Variants in CACNB2 observed in about 807,000 individuals in gnomAD.
The protein encoded by CACNB2 is calcium voltage-gated channel auxiliary subunit beta 2, also known as voltage-dependent L-type calcium channel subunit beta-2.
In CACNB2, 42 loss-of-function variants were observed where a neutral mutation model predicts 73.3. That is an observed-to-expected ratio of 0.57 (90% CI 0.45 to 0.74). CACNB2 has a LOEUF of 0.74. Among genes scored for constraint, CACNB2 ranks in the 30% least tolerant of loss-of-function variants. The probability of loss-of-function intolerance (pLI) is 0.00; values close to 1 mark genes in which losing one functional copy is unlikely to be tolerated. For missense variants in CACNB2, 940 were observed against 853.0 expected, an observed-to-expected ratio of 1.10 and a Z score of -1.27; for synonymous variants, 348 against 310.3, an observed-to-expected ratio of 1.12 and a Z score of -1.28.
chr10:18,359,078 G>A (rs961071049), intron 2 of CACNB2, among the ~76,000 whole-genome samples: 13 of 151,808 alleles, frequency 8.6e-5, no homozygotes, highest in African/African-American at 2.9e-4. Flanking sequence ...CATGTTGGGG[G>A]TTTTAATAAC....
intron 2 of CACNB2, among the ~76,000 whole-genome samples, chr10:18,345,986 G>T (rs1431962313): frequency 6.6e-6 from 1 of 152,092 alleles, no homozygotes; most frequent in Non-Finnish European, 1.5e-5. Context: ...ACATTGTCAG[G>T]GGCAGCACAA....
chr10:18,435,581 C>T (rs993021720), intron 3 of CACNB2, among the ~76,000 whole-genome samples: 1 of 152,100 alleles, frequency 6.6e-6, no homozygotes, highest in African/African-American at 2.4e-5. Context: ...TCACTGCAGC[C>T]TCGACCTCCC....
chr10:18,234,738 T>G (rs1013867745), intron 2 of CACNB2, among the ~76,000 whole-genome samples: 1 of 152,210 alleles, frequency 6.6e-6, no homozygotes, highest in Non-Finnish European at 1.5e-5. Context: ...TGAATGATTG[T>G]TCCATGAGTA....
intron 3 of CACNB2, among the ~76,000 whole-genome samples, chr10:18,491,589 GA>G (rs2049427752): frequency 6.6e-6 from 1 of 152,070 alleles, no homozygotes; most frequent in South Asian, 2.1e-4. Flanking sequence ...CTGTCTGGGG[GA>G]AAAACAATCT....
chr10:18,296,930 G>A lies in CACNB2; in HGVS notation c.214-104994G>A, dbSNP rs868742849. ...CAAATTATTAACCACTAAGGTTTCC[G>A]TCATTCATCTGTAAAATGAGGATAA... On this transcript the variant is annotated intron_variant, in intron 2 of 13. Transcript: ENST00000324631. Among the ~76,000 whole-genome samples the A allele has an allele frequency of 5.3e-5, 8 of 152,328 alleles. No individual in the cohort carries two copies. In the East Asian group the frequency reaches 5.8e-4, roughly 11 times the overall value.
chr10:18,296,049 C>G (rs1385392651), intron 2 of CACNB2, among the ~76,000 whole-genome samples: 1 of 75,954 alleles, frequency 1.3e-5, no homozygotes, highest in African/African-American at 5.1e-5. Context: ...CTGTATCTGT[C>G]TTGATGAATT....
chr10:18,350,554 C>T (rs973191509), intron 2 of CACNB2, among the ~76,000 whole-genome samples: 12 of 152,128 alleles, frequency 7.9e-5, no homozygotes, highest in African/African-American at 1.7e-4. Context: ...TCAGGAGTAG[C>T]GCTTTAGGTT....
At chr10:18,269,772 C>T (rs991271894) in intron 2 of CACNB2, among the ~76,000 whole-genome samples, 2 of 152,146 alleles carry the variant, frequency 1.3e-5, no homozygotes, top group Non-Finnish European at 2.9e-5. Flanking sequence ...TCCTCCCTTC[C>T]ACTCTCCCAC....
chr10:18,228,954 C>G (rs770566459), intron 2 of CACNB2, among the ~76,000 whole-genome samples: 36 of 152,082 alleles, frequency 2.4e-4, no homozygotes, highest in Non-Finnish European at 4.7e-4. Context: ...GTGGGCCAAG[C>G]TGGTCTCGAA....
At chr10:18,335,198 T>C in intron 2 of CACNB2, among the ~76,000 whole-genome samples, 1 of 152,172 alleles carries the variant, frequency 6.6e-6, no homozygotes, top group Middle Eastern at 3.2e-3. Context: ...CTTTTTCTAT[T>C]CTCTTAACAC....
intron 2 of CACNB2, among the ~76,000 whole-genome samples, chr10:18,271,427 A>C (rs900217230): frequency 6.6e-6 from 1 of 152,242 alleles, no homozygotes; most frequent in African/African-American, 2.4e-5. Context: ...AAAGTAGGTA[A>C]ATATGTTTAA....
At chr10:18,324,347 T>C (rs1270410430) in intron 2 of CACNB2, among the ~76,000 whole-genome samples, 1 of 152,106 alleles carries the variant, frequency 6.6e-6, no homozygotes, top group Non-Finnish European at 1.5e-5. Context: ...ATTTAAAATA[T>C]GGATTGGAGT....
intron 3 of CACNB2, among the ~76,000 whole-genome samples, chr10:18,457,985 T>A (rs1387964419): frequency 6.6e-6 from 1 of 152,200 alleles, no homozygotes; most frequent in Non-Finnish European, 1.5e-5. Context: ...TCAACACAGC[T>A]AATTGTTTTA....
At chr10:18,294,910 G>A (rs1056064697) in intron 2 of CACNB2, among the ~76,000 whole-genome samples, 6 of 152,216 alleles carry the variant, frequency 3.9e-5, no homozygotes, top group Admixed American at 6.5e-5. Flanking sequence ...TAGGAACTTC[G>A]TAAGAAGGTG....
At chr10:18,531,717 A>G (rs2053049757) in intron 10 of CACNB2, 1 of 152,146 alleles carries the variant, frequency 6.6e-6, no homozygotes, top group African/African-American at 2.4e-5. Flanking sequence ...AACTGGTGGG[A>G]GATGGTATCC....
chr10:18,452,884 A>G (rs2047082024), intron 3 of CACNB2, among the ~76,000 whole-genome samples: 1 of 152,214 alleles, frequency 6.6e-6, no homozygotes, highest in South Asian at 2.1e-4. Flanking sequence ...GCAGAAGGAT[A>G]TTAGAATATC....
At chr10:18,250,358 A>G (rs1437471949) in intron 2 of CACNB2, among the ~76,000 whole-genome samples, 2 of 152,214 alleles carry the variant, frequency 1.3e-5, no homozygotes, top group African/African-American at 2.4e-5. Context: ...CTTCATCCAT[A>G]GGCAACTTCT....
chr10:18,453,238 TC>T lies in CACNB2; in HGVS notation c.334-45115del, dbSNP rs528854525. ...GGATTTTCTTAACACTTAAATTGGA[TC>T]CTGTCTCTGTCCTACCTAAAAACCT... On this transcript the variant is annotated intron_variant, in intron 3 of 13. Coordinates refer to ENST00000324631, the MANE Select transcript of CACNB2 (RefSeq NM_201596.3). 1.9e-3 allele frequency among the ~76,000 whole-genome samples: 292 copies of T among 152,316 alleles called. 1 individual carries two copies. The highest frequency in any genetic ancestry group is 3.7e-3 in the Non-Finnish European group (250 of 68,032).
chr10:18,346,595 G>A (rs1042361186), intron 2 of CACNB2, among the ~76,000 whole-genome samples: 4 of 151,610 alleles, frequency 2.6e-5, no homozygotes, highest in Admixed American at 2.6e-4. Context: ...GCTTTTTTGG[G>A]GGAGGAGGGG....
Sources: gnomAD v4.1 joint callset for allele counts (sites outside exome capture counted in the v4.1 genomes callset) on GRCh38, gnomAD v4.1.1 for gene constraint, MANE v1.5 for transcripts, NCBI Gene and HGNC (gene_info 2026-07-23, HGNC 2026-07-21) for gene names.